Variants in TRAM2 observed in about 807,000 individuals in gnomAD.
The protein encoded by TRAM2 is translocating chain-associated membrane protein 2.
In TRAM2, 12 loss-of-function variants were observed where a neutral mutation model predicts 51.0. The observed-to-expected ratio is 0.24, with a 90% confidence interval of 0.15 to 0.38. The LOEUF (loss-of-function observed/expected upper bound fraction) is 0.38. Among genes scored for constraint, TRAM2 ranks in the 10% least tolerant of loss-of-function variants. The pLI, the probability that TRAM2 is intolerant of heterozygous loss-of-function variation, is 1.00. For synonymous variants in TRAM2, 175 were observed against 179.4 expected (o/e 0.98, Z 0.20); for missense variants, 361 against 462.0 (o/e 0.78, Z 2.00).
At chr6:52,526,432 G>A (rs112120784) in intron 2 of TRAM2, among the ~76,000 whole-genome samples, 30,528 of 152,010 alleles carry the variant, frequency 0.2, 3,982 homozygotes, top group Non-Finnish European at 0.29. Context: ...TTTGGCCCAG[G>A]CTGGAGTACA....
At chr6:52,535,940 C>T (rs745865909) in intron 1 of TRAM2, 94 bp from the exon 2 acceptor site, 306 of 1,012,476 alleles carry the variant, frequency 3.0e-4, no homozygotes, top group Non-Finnish European at 4.2e-4. Context: ...CATCTTAGAC[C>T]CTCAAACCTC....
intron 1 of TRAM2, among the ~76,000 whole-genome samples, chr6:52,570,788 G>GCCC (rs1258366796): frequency 6.1e-4 from 26 of 42,600 alleles, no homozygotes; most frequent in African/African-American, 1.5e-3. Context: ...AATCCTCCCT[G>GCCC]CCCACCACCC....
At chr6:52,508,961 G>A (rs1766399534) in intron 5 of TRAM2, among the ~76,000 whole-genome samples, 2 of 152,318 alleles carry the variant, frequency 1.3e-5, no homozygotes, top group South Asian at 4.1e-4. Flanking sequence ...TTAAACCCAG[G>A]AGGTGGAGGT....
chr6:52,542,558 C>CT (rs1767123177), intron 1 of TRAM2, among the ~76,000 whole-genome samples: 1 of 152,076 alleles, frequency 6.6e-6, no homozygotes, highest in South Asian at 2.1e-4. Context: ...TTAGCAACGC[C>CT]TAGAGATTCT....
chr6:52,570,822 C>T (rs955846256), intron 1 of TRAM2, among the ~76,000 whole-genome samples: 1 of 144,122 alleles, frequency 6.9e-6, no homozygotes, highest in African/African-American at 2.6e-5. Flanking sequence ...CACACACACT[C>T]TGCCTCCATT....
intron 1 of TRAM2, among the ~76,000 whole-genome samples, chr6:52,536,880 G>T (rs547211937): frequency 5.3e-5 from 8 of 152,270 alleles, no homozygotes; most frequent in Admixed American, 3.9e-4. Context: ...GTCAATAAAG[G>T]GGTGCTGGTT....
chr6:52,504,709 C>T lies in TRAM2; in HGVS notation c.921G>A (p.Met307Ile), dbSNP rs2114059045. Reference protein sequence around the residue: ...LLVCAAQAWLMWRFIHSQLRH... With the variant: ...LLVCAAQAWLIWRFIHSQLRH... ...GCAGCTGGGAGTGGATGAAGCGCCA[C>T]ATGAGCCAGGCCTGGGCGGCACACA... Residue 307 changes from methionine (M) to isoleucine (I), a missense_variant, in exon 10 of 11, where the codon ATG becomes ATA. Met to Ile is a conservative substitution (Grantham distance 10). Coordinates refer to ENST00000182527, the MANE Select transcript of TRAM2 (RefSeq NM_012288.4). The T allele has an allele frequency of 6.2e-7, 1 of 1,611,958 alleles. No individual in the cohort carries two copies. Among genetic ancestry groups the T allele is most frequent in the Non-Finnish European group, 8.5e-7 (1 of 1,179,428 alleles).
intron 4 of TRAM2, among the ~76,000 whole-genome samples, chr6:52,512,611 T>C (rs1390760672): frequency 6.6e-6 from 1 of 152,134 alleles, no homozygotes; most frequent in African/African-American, 2.4e-5. Flanking sequence ...CCCCAGCAGA[T>C]GGTTTGGAGA....
intron 1 of TRAM2, among the ~76,000 whole-genome samples, chr6:52,574,355 G>A (rs1581706602): frequency 6.6e-6 from 1 of 152,110 alleles, no homozygotes; most frequent in Non-Finnish European, 1.5e-5. Context: ...CCCACCCCCA[G>A]GAATACTTAT....
intron 1 of TRAM2, among the ~76,000 whole-genome samples, chr6:52,566,159 G>A (rs928298799): frequency 3.9e-5 from 6 of 152,314 alleles, no homozygotes; most frequent in Admixed American, 2.6e-4. Flanking sequence ...GGAATGATAT[G>A]CACGTTCAGG....
At chr6:52,563,694 CAAAAAAAAAAAAA>C (rs556665738) in intron 1 of TRAM2, among the ~76,000 whole-genome samples, 2 of 77,264 alleles carry the variant, frequency 2.6e-5, no homozygotes, top group Admixed American at 1.7e-4. Flanking sequence ...GACTCAGCCT[CAAAAAAAAAAAAA>C]AAAAAAAAAA....
intron 2 of TRAM2, chr6:52,524,544 G>A (rs1438404409): frequency 6.6e-6 from 1 of 151,998 alleles, no homozygotes; most frequent in Non-Finnish European, 1.5e-5. Context: ...GGGAAGCTAG[G>A]AAGTGGGAAA....
intron 1 of TRAM2, among the ~76,000 whole-genome samples, chr6:52,539,841 T>C (rs886842046): frequency 6.6e-6 from 1 of 152,160 alleles, no homozygotes; most frequent in African/African-American, 2.4e-5. Context: ...TCTGTATGTC[T>C]TCTCTCTCTC....
At chr6:52,505,568 GCTTAT>G (rs778273748) in intron 9 of TRAM2, 26 bp downstream of exon 9, 1 of 1,579,782 alleles carries the variant, frequency 6.3e-7, no homozygotes, top group Non-Finnish European at 8.6e-7. Flanking sequence ...AGGCTCCCTG[GCTTAT>G]CACCTTGGAC....
intron 1 of TRAM2, among the ~76,000 whole-genome samples, chr6:52,574,934 C>A (rs77935980): frequency 7.9e-5 from 12 of 152,104 alleles, no homozygotes; most frequent in African/African-American, 2.2e-4. Flanking sequence ...GAAACTTCGT[C>A]GCTGCAGCCT....
chr6:52,537,495 C>G (rs1001402034), intron 1 of TRAM2, among the ~76,000 whole-genome samples: 1 of 152,126 alleles, frequency 6.6e-6, no homozygotes, highest in Non-Finnish European at 1.5e-5. Flanking sequence ...ACACACACAG[C>G]TCTCCTGATT....
At chr6:52,518,656 AGGGCT>A (rs1001282090) in intron 2 of TRAM2, among the ~76,000 whole-genome samples, 4 of 152,162 alleles carry the variant, frequency 2.6e-5, no homozygotes, top group African/African-American at 9.6e-5. Flanking sequence ...TGAGGACCGA[AGGGCT>A]GGGATCCAGG....
At chr6:52,569,979 G>A (rs1456999969) in intron 1 of TRAM2, among the ~76,000 whole-genome samples, 2 of 152,092 alleles carry the variant, frequency 1.3e-5, no homozygotes, top group East Asian at 1.9e-4. Context: ...TCTAGCCCCC[G>A]TTTTGCCAAA....
intron 1 of TRAM2, among the ~76,000 whole-genome samples, chr6:52,572,248 A>ATCTC: frequency 1.3e-5 from 2 of 152,308 alleles, no homozygotes; most frequent in Middle Eastern, 6.8e-3. Context: ...GCTAAAAGGG[A>ATCTC]GATGCATAAA....
Sources: allele counts gnomAD v4.1 joint callset (sites outside exome capture counted in the v4.1 genomes callset), GRCh38; gene constraint gnomAD v4.1.1; transcripts MANE v1.5; gene names NCBI Gene and HGNC (gene_info 2026-07-23, HGNC 2026-07-21).